The following CCDC178 variants were observed in gnomAD, a reference collection of about 807,000 sequenced individuals.
CCDC178 encodes the protein coiled-coil domain containing 178, also known as coiled-coil domain-containing protein 178.
Under a neutral mutation model 117.4 loss-of-function variants are expected in CCDC178, and 126 were observed. The observed-to-expected ratio is 1.07, with a 90% CI of 0.93 to 1.24. The LOEUF is 1.24. CCDC178 is among the 50% of genes most tolerant of loss of function. CCDC178 has a pLI of 0.00. For synonymous variants in CCDC178, 283 were observed against 313.4 expected (o/e 0.90, Z 1.02); for missense variants, 1,030 against 986.9 (o/e 1.04, Z -0.59).
intron 15 of CCDC178, among the ~76,000 whole-genome samples, chr18:33,231,346 T>A (rs1043679141): frequency 6.6e-6 from 1 of 151,760 alleles, no homozygotes; most frequent in Non-Finnish European, 1.5e-5. Context: ...GACAACTTTT[T>A]AAAAAAAAGG....
At chr18:32,953,758 CT>C (rs1431391320) in intron 22 of CCDC178, among the ~76,000 whole-genome samples, 1 of 152,166 alleles carries the variant, frequency 6.6e-6, no homozygotes, top group Non-Finnish European at 1.5e-5. Context: ...CAATTTTTCA[CT>C]GTTAATATCT....
chr18:33,181,521 C>T (rs867730394), intron 20 of CCDC178, among the ~76,000 whole-genome samples: 1 of 151,926 alleles, frequency 6.6e-6, no homozygotes, highest in African/African-American at 2.4e-5. Flanking sequence ...ACATGAAATG[C>T]ATGCAAACAT....
chr18:33,391,381 C>T (rs1055451058), intron 4 of CCDC178, among the ~76,000 whole-genome samples: 2 of 151,826 alleles, frequency 1.3e-5, no homozygotes, highest in Admixed American at 6.5e-5. Context: ...TCTAAGTCAC[C>T]GTCATTCATC....
intron 22 of CCDC178, among the ~76,000 whole-genome samples, chr18:32,939,842 T>C (rs1235169319): frequency 6.6e-6 from 1 of 152,116 alleles, no homozygotes; most frequent in Non-Finnish European, 1.5e-5. Context: ...TTTGGGTCTT[T>C]ATATAGAAAC....
rs546703753 is a variant in CCDC178 at position 33,104,704 on chromosome 18, G to A, written c.2239-11794C>T. ...CAAAATGAAACACTTCAGGTAGTACGATGGAAGGAAGGTTAAACATAGATG... is the reference window on the plus strand; with the variant it reads ...CAAAATGAAACACTTCAGGTAGTACAATGGAAGGAAGGTTAAACATAGATG... On this transcript the variant is annotated intron_variant, in intron 20 of 22. Transcript: ENST00000383096. Among the ~76,000 whole-genome samples, 15 of 151,814 alleles carry A rather than the reference G, an allele frequency of 9.9e-5. No individual in the cohort carries two copies. The South Asian group carries it at 2.7e-3, about 27-fold the overall frequency.
At chr18:33,267,345 C>T (rs754068912) in intron 12 of CCDC178, 48 bp from the exon 13 acceptor site, 2 of 1,062,648 alleles carry the variant, frequency 1.9e-6, no homozygotes, top group South Asian at 1.6e-5. Context: ...AGCTTTTCAT[C>T]CTTCCATAAG....
intron 5 of CCDC178, among the ~76,000 whole-genome samples, chr18:33,376,673 G>C (rs1456575136): frequency 6.6e-6 from 1 of 152,008 alleles, no homozygotes; most frequent in Non-Finnish European, 1.5e-5. Flanking sequence ...CCATTGTTTA[G>C]CTCCCACTTA....
intron 21 of CCDC178, among the ~76,000 whole-genome samples, chr18:33,041,622 C>T (rs959762210): frequency 8.6e-5 from 13 of 151,102 alleles, no homozygotes; most frequent in Non-Finnish European, 1.6e-4. Flanking sequence ...TGCAAAAATA[C>T]CCATTACTAA....
chr18:33,010,039 C>T (rs992691984), intron 21 of CCDC178, among the ~76,000 whole-genome samples: 4 of 152,060 alleles, frequency 2.6e-5, no homozygotes, highest in African/African-American at 9.7e-5. Flanking sequence ...TAATTCCTAC[C>T]TCACACCGTC....
chr18:33,210,055 T>C (rs2059089324), intron 20 of CCDC178, among the ~76,000 whole-genome samples: 1 of 152,098 alleles, frequency 6.6e-6, no homozygotes, highest in Non-Finnish European at 1.5e-5. Context: ...ATGCTCCTGC[T>C]TCTTGCTACT....
rs1339654261 is a variant in CCDC178, at chr18:32,974,631, T to G, written c.2439A>C (p.Lys813Asn). The stretch of plus-strand genomic sequence containing the variant: ...TCATCTGGCTGAAGAGGACCACCAG[T>G]TTGAAGTGCTCCTGCCACAGTGTGT... The part of the protein sequence containing the change: ...RMHTLWQEHF[K>N]LVVLFSQMRL... The change falls in exon 22 of 23, where the codon AAA (lysine) becomes AAC (asparagine). Residue 813 changes from lysine to asparagine, a missense_variant. Transcript: ENST00000383096. 5.0e-6 allele frequency: 8 copies of G among 1,613,098 alleles called. No homozygotes were observed. The South Asian group carries it at 8.8e-5, about 18-fold the overall frequency.
At chr18:33,130,212 G>A (rs1199358525) in intron 20 of CCDC178, among the ~76,000 whole-genome samples, 8 of 151,920 alleles carry the variant, frequency 5.3e-5, no homozygotes, top group Admixed American at 5.2e-4. Context: ...AGATTGGTGA[G>A]ATTAAATAAT....
intron 2 of CCDC178, among the ~76,000 whole-genome samples, chr18:33,416,335 G>A (rs563145615): frequency 1.6e-4 from 24 of 152,176 alleles, no homozygotes; most frequent in Non-Finnish European, 2.2e-4. Flanking sequence ...GCTGAGGCAG[G>A]AGAATGGCGT....
intron 22 of CCDC178, among the ~76,000 whole-genome samples, chr18:32,963,262 C>T (rs1436440834): frequency 1.3e-5 from 2 of 152,020 alleles, no homozygotes; most frequent in African/African-American, 4.8e-5. Context: ...TCCTAAGTCC[C>T]TCATACTTCT....
At chr18:33,187,114 A>AGAGAGAGAGAGC (rs60923129) in intron 20 of CCDC178, among the ~76,000 whole-genome samples, 2,440 of 150,234 alleles carry the variant, frequency 0.016, 65 homozygotes, top group African/African-American at 0.048. Context: ...AGAGAGAGAG[A>AGAGAGAGAGAGC]GACTGAGAGA....
chr18:33,126,107 G>A (rs952687250), intron 20 of CCDC178, among the ~76,000 whole-genome samples: 1 of 152,132 alleles, frequency 6.6e-6, no homozygotes, highest in African/African-American at 2.4e-5. Flanking sequence ...GGAGACAAGT[G>A]TGAATGCAGT....
intron 9 of CCDC178, among the ~76,000 whole-genome samples, chr18:33,336,425 T>A (rs2062741411): frequency 6.6e-6 from 1 of 152,118 alleles, no homozygotes. Flanking sequence ...GAAATTTCCA[T>A]TCCAAACTTA....
chr18:32,940,740 A>G (rs1369118741), intron 22 of CCDC178, among the ~76,000 whole-genome samples: 2 of 152,014 alleles, frequency 1.3e-5, no homozygotes, highest in East Asian at 3.9e-4. Context: ...CAGTTATATG[A>G]GTTATTTTAA....
At chr18:33,248,115 A>G (rs1205343567) in intron 14 of CCDC178, among the ~76,000 whole-genome samples, 1 of 152,000 alleles carries the variant, frequency 6.6e-6, no homozygotes, top group East Asian at 1.9e-4. Flanking sequence ...AAGGACATAC[A>G]AAGTGATGTA....
Sources: allele counts gnomAD v4.1 joint callset (sites outside exome capture counted in the v4.1 genomes callset), GRCh38; gene constraint gnomAD v4.1.1; transcripts MANE v1.5; gene names NCBI Gene and HGNC (gene_info 2026-07-23, HGNC 2026-07-21).